Variants in MALRD1 observed in about 807,000 individuals in gnomAD.
MALRD1 encodes the protein MAM and LDL receptor class A domain containing 1.
Under a neutral mutation model 242.1 loss-of-function variants are expected in MALRD1, and 247 were observed. The observed-to-expected ratio is 1.02, with a 90% CI of 0.92 to 1.13. The LOEUF is 1.13. Among genes scored for constraint, MALRD1 ranks in the 50% most tolerant of loss-of-function variants. The pLI is 0.00. For missense variants in MALRD1, 2,989 were observed against 2,533.1 expected (o/e 1.18, Z -3.86); for synonymous variants, 995 against 866.6 (o/e 1.15, Z -2.60).
chr10:19,239,706 A>G (rs931870565), intron 18 of MALRD1, among the ~76,000 whole-genome samples: 3 of 152,142 alleles, frequency 2.0e-5, no homozygotes, highest in African/African-American at 7.2e-5. Flanking sequence ...TAATTTCATT[A>G]TCCCACATGT....
chr10:19,239,437 A>G (rs866588498), intron 18 of MALRD1, among the ~76,000 whole-genome samples: 43 of 152,236 alleles, frequency 2.8e-4, no homozygotes, highest in Non-Finnish European at 2.9e-4. Context: ...ATTGTATCCC[A>G]TTCTGTAAGT....
intron 38 of MALRD1, among the ~76,000 whole-genome samples, chr10:19,726,738 A>G (rs1391375801): frequency 6.6e-6 from 1 of 152,242 alleles, no homozygotes; most frequent in Non-Finnish European, 1.5e-5. Context: ...AATGTGACAT[A>G]TACATGCAAG....
chr10:19,718,147 G>GA, intron 38 of MALRD1, among the ~76,000 whole-genome samples: 1 of 150,466 alleles, frequency 6.6e-6, no homozygotes, highest in Admixed American at 6.6e-5. Context: ...GGAAGAGGAA[G>GA]AAGAGGAAGA....
At chr10:19,276,768 C>T (rs532503653) in intron 19 of MALRD1, among the ~76,000 whole-genome samples, 3 of 152,146 alleles carry the variant, frequency 2.0e-5, no homozygotes, top group South Asian at 4.1e-4. Flanking sequence ...ATGAGTTAGA[C>T]GTGAGTATAT....
chr10:19,081,852 A>C (rs1381247117), intron 2 of MALRD1, among the ~76,000 whole-genome samples: 3 of 152,048 alleles, frequency 2.0e-5, no homozygotes, highest in Non-Finnish European at 2.9e-5. Flanking sequence ...TTTTTATAGT[A>C]TGTCTTTTAT....
chr10:19,347,868 C>G lies in MALRD1; in HGVS notation c.3999C>G (p.Ile1333Met), dbSNP rs1052826806. 6 of 1,550,280 alleles carry G rather than the reference C, an allele frequency of 3.9e-6. No homozygotes were observed. The highest frequency in any genetic ancestry group is 5.2e-6 in the Non-Finnish European group (6 of 1,146,852). ...DFDWNLKASS[I>M]PAAGTEPAAD... The stretch of plus-strand genomic sequence containing the variant: ...ACTGGAACCTGAAAGCTAGCAGCAT[C>G]CCTGCAGCAGGCACAGAGCCAGCAG... The change falls in exon 25 of 40, where the codon ATC becomes ATG. Residue 1333 changes from isoleucine (I) to methionine (M), a missense_variant. Physicochemically the swap from Ile to Met is conservative, Grantham distance 10. Coordinates refer to ENST00000454679, the MANE Select transcript of MALRD1 (RefSeq NM_001142308.3).
At chr10:19,304,249 C>T (rs1041341451) in intron 21 of MALRD1, among the ~76,000 whole-genome samples, 2 of 151,644 alleles carry the variant, frequency 1.3e-5, no homozygotes, top group East Asian at 3.9e-4. Flanking sequence ...TTCTCATGTT[C>T]TCCAGGTTAC....
At chr10:19,126,324 C>T (rs548418198) in intron 7 of MALRD1, among the ~76,000 whole-genome samples, 1 of 152,186 alleles carries the variant, frequency 6.6e-6, no homozygotes, top group Admixed American at 6.5e-5. Flanking sequence ...TCCCTCTAAT[C>T]TTTTCATCTT....
At chr10:19,279,371 A>G (rs1335842186) in intron 19 of MALRD1, among the ~76,000 whole-genome samples, 2 of 152,202 alleles carry the variant, frequency 1.3e-5, no homozygotes, top group East Asian at 3.9e-4. Context: ...CTTTGTGTCC[A>G]TGTTCAATTT....
intron 36 of MALRD1, among the ~76,000 whole-genome samples, chr10:19,637,621 T>C (rs1401909571): frequency 1.3e-5 from 2 of 152,106 alleles, no homozygotes; most frequent in African/African-American, 4.8e-5. Flanking sequence ...ATTGTCGTAT[T>C]CACTTTGTAG....
chr10:19,077,290 T>C (rs941819728), intron 2 of MALRD1, among the ~76,000 whole-genome samples: 2 of 151,944 alleles, frequency 1.3e-5, no homozygotes, highest in Non-Finnish European at 2.9e-5. Flanking sequence ...GTGTTTTGCT[T>C]AGGAAACCCT....
intron 26 of MALRD1, among the ~76,000 whole-genome samples, chr10:19,368,595 A>G (rs973121221): frequency 6.6e-6 from 1 of 151,884 alleles, no homozygotes; most frequent in South Asian, 2.1e-4. Context: ...TGCTTTGACT[A>G]TTTGGGGTCT....
chr10:19,661,087 A>T (rs1841405424), intron 36 of MALRD1, among the ~76,000 whole-genome samples: 2 of 152,200 alleles, frequency 1.3e-5, no homozygotes, highest in Admixed American at 1.3e-4. Context: ...ACAATGAGGT[A>T]CCATCTCACA....
At chr10:19,306,100 A>ATATACTATATATACTATATACT (rs1842173920) in intron 21 of MALRD1, among the ~76,000 whole-genome samples, 1 of 105,342 alleles carries the variant, frequency 9.5e-6, no homozygotes, top group African/African-American at 4.5e-5. Flanking sequence ...ACTATATACT[A>ATATACTATATATACTATATACT]GATAGTATAT....
chr10:19,378,051 G>C (rs993708995), intron 26 of MALRD1, among the ~76,000 whole-genome samples: 3 of 151,968 alleles, frequency 2.0e-5, no homozygotes, highest in African/African-American at 7.2e-5. Flanking sequence ...ACATTTTTCT[G>C]TCCCTACTTT....
intron 28 of MALRD1, among the ~76,000 whole-genome samples, chr10:19,397,534 G>T (rs983451237): frequency 6.6e-6 from 1 of 151,996 alleles, no homozygotes; most frequent in African/African-American, 2.4e-5. Context: ...TGTGAATAGT[G>T]CTACAATAAA....
At chr10:19,658,937 A>G (rs547036195) in intron 36 of MALRD1, among the ~76,000 whole-genome samples, 3 of 152,318 alleles carry the variant, frequency 2.0e-5, no homozygotes, top group South Asian at 2.1e-4. Context: ...TGAAAAATCA[A>G]TTGAGCCAGA....
chr10:19,673,251 G>T (rs1842002719), intron 36 of MALRD1, among the ~76,000 whole-genome samples: 1 of 152,048 alleles, frequency 6.6e-6, no homozygotes, highest in African/African-American at 2.4e-5. Context: ...ACCGGGCATG[G>T]TGGCGGGCGC....
intron 31 of MALRD1, among the ~76,000 whole-genome samples, chr10:19,522,526 C>T (rs1393392638): frequency 2.0e-5 from 3 of 152,112 alleles, no homozygotes; most frequent in African/African-American, 7.2e-5. Flanking sequence ...TAAATAAGGA[C>T]TGTAGGATGG....
Sources: allele counts gnomAD v4.1 joint callset (sites outside exome capture counted in the v4.1 genomes callset), GRCh38; gene constraint gnomAD v4.1.1; transcripts MANE v1.5; gene names NCBI Gene and HGNC (gene_info 2026-07-23, HGNC 2026-07-21).